The following TEPSIN variants were observed in gnomAD, a reference collection of about 807,000 sequenced individuals.
TEPSIN encodes AP-4 complex accessory subunit tepsin.
TEPSIN carries 50 observed loss-of-function variants against 48.5 expected under a neutral mutation model. The observed-to-expected ratio is 1.03, with a 90% CI of 0.82 to 1.31. The LOEUF is 1.31. Ranked by LOEUF, TEPSIN falls within the 50% of genes most tolerant of loss-of-function variation. The pLI, the probability that TEPSIN is intolerant of heterozygous loss-of-function variation, is 0.00. For missense variants in TEPSIN, 838 were observed against 815.9 expected, an observed-to-expected ratio of 1.03 and a Z score of -0.33; for synonymous variants, 392 against 358.8, an observed-to-expected ratio of 1.09 and a Z score of -1.05.
In TEPSIN at chr17:81,229,395, G is replaced by A. The variant is rs754235550; in HGVS notation, c.1315C>T (p.Leu439Phe). ...TSAEPGPTAA[L>F]PGPSDLLTDA... ...GTCAGCAGGTCAGATGGGCCTGGGA[G>A]GGCGGCTGTGGGGCCAGGCTCAGCT... Residue 439 changes from leucine (L) to phenylalanine (F), a missense_variant, in exon 13 of 13, where the codon CTC becomes TTC. Physicochemically the swap from Leu to Phe is conservative, Grantham distance 22 (BLOSUM62 0). Coordinates refer to ENST00000637944, the MANE Select transcript of TEPSIN (RefSeq NM_001363764.2). 2 of 1,551,502 alleles carry A rather than the reference G, an allele frequency of 1.3e-6. No homozygotes were observed. Among genetic ancestry groups the A allele is most frequent in the South Asian group, 1.2e-5 (1 of 84,124 alleles).
Position 81,229,043 on chromosome 17 carries a change from G to GCAGCCC in TEPSIN, c.1661_1666dup (p.Gly554_Ala555dup), listed in dbSNP as rs778265065. The GCAGCCC allele has an allele frequency of 1.1e-4, 177 of 1,613,206 alleles. No homozygotes were observed. Among genetic ancestry groups the GCAGCCC allele is most frequent in the Non-Finnish European group, 9.3e-5 (110 of 1,179,944 alleles). On this transcript the variant is annotated inframe_insertion, in exon 13 of 13. Coordinates refer to ENST00000637944, the MANE Select transcript of TEPSIN (RefSeq NM_001363764.2). ...AGCATCAGGACAGGACTCTCCCGCA[G>GCAGCCC]CAGCCCCAGCCCCCACCAGGCGGGG...
chr17:81,228,811 C>A lies in TEPSIN; in HGVS notation c.*117G>T. 2.4e-6 allele frequency: 3 copies of A among 1,266,868 alleles called. No individual in the cohort carries two copies. Among genetic ancestry groups the A allele is most frequent in the Non-Finnish European group, 2.2e-6 (2 of 906,736 alleles). The allele number at this position is 1,266,868 out of a possible 1,614,324, so 78.5% of individuals were successfully genotyped here. On this transcript the variant is annotated 3_prime_UTR_variant, in exon 13 of 13. Coordinates refer to ENST00000637944, the MANE Select transcript of TEPSIN (RefSeq NM_001363764.2). ...GGGGAAACTGAGGTAGCCCTAGGGTCGTCCTCTCAAGTCAAGCTGCCTGGA... is the reference window on the plus strand; with the variant it reads ...GGGGAAACTGAGGTAGCCCTAGGGTAGTCCTCTCAAGTCAAGCTGCCTGGA...
chr17:81,231,252 C>T (rs1044380432), intron 11 of TEPSIN, 146 bp downstream of exon 11: 38 of 809,116 alleles, frequency 4.7e-5, no homozygotes, highest in Admixed American at 2.2e-4. Context: ...CGCACACACA[C>T]AGGCATGTGC....
In TEPSIN at chr17:81,236,899, C is replaced by T. The variant is rs1016073925; in HGVS notation, c.213+81G>A. Reference sequence around the variant, plus strand: ...CCAAGGGCACAGAGCTGCCTGCCACCCTGGGCCGCTCGTCTGCTCCTCCAT... The same window carrying T: ...CCAAGGGCACAGAGCTGCCTGCCACTCTGGGCCGCTCGTCTGCTCCTCCAT... On this transcript the variant is annotated intron_variant, in intron 3 of 12. Transcript: ENST00000637944. 1.1e-5 allele frequency: 17 copies of T among 1,532,458 alleles called. No homozygotes were observed. In the African/African-American group the frequency reaches 1.7e-4, roughly 15 times the overall value. The allele number at this position is 1,532,458 out of a possible 1,614,324, so 94.9% of individuals were successfully genotyped here.
At chr17:81,229,641 T>C (rs2062547283) in intron 12 of TEPSIN, 165 bp from the exon 13 acceptor site, 2 of 705,534 alleles carry the variant, frequency 2.8e-6, no homozygotes, top group Non-Finnish European at 4.7e-6. Context: ...GTGCACCCAG[T>C]TGTCATCCCA....
In TEPSIN at chr17:81,233,410, C is replaced by T. The variant is rs764079224; in HGVS notation, c.526+22G>A. The T allele has an allele frequency of 6.2e-7, 1 of 1,608,756 alleles. No homozygotes were observed. On this transcript the variant is annotated intron_variant, in intron 7 of 12. Transcript: ENST00000637944. The surrounding 1 kb of genome is among the most constrained non-coding windows in gnomAD (Gnocchi z 5.8). Reference sequence around the variant, plus strand: ...CCCCACACCCTGAGATGCCAGAGCCCATGCAGGCCCTCCCCACTCACCCGT... The same window carrying T: ...CCCCACACCCTGAGATGCCAGAGCCTATGCAGGCCCTCCCCACTCACCCGT...
chr17:81,233,786 T>A lies in TEPSIN; in HGVS notation c.376-70A>T. ...TGCTGTACTCACCCTGCCACCCATATCAGCTCCGTTCTGTCCCCCGGACAC... is the reference window on the plus strand; with the variant it reads ...TGCTGTACTCACCCTGCCACCCATAACAGCTCCGTTCTGTCCCCCGGACAC... On this transcript the variant is annotated intron_variant, in intron 5 of 12. Coordinates refer to ENST00000637944, the MANE Select transcript of TEPSIN (RefSeq NM_001363764.2). The surrounding 1 kb of genome is among the most constrained non-coding windows in gnomAD (Gnocchi z 5.8). 6.8e-7 allele frequency: 1 copy of A among 1,470,440 alleles called. No homozygotes were observed. The highest frequency in any genetic ancestry group is 9.2e-7 in the Non-Finnish European group (1 of 1,092,070). 91.1% of individuals were successfully genotyped at this position (1,470,440 alleles called of 1,614,324 possible).
intron 4 of TEPSIN, among the ~76,000 whole-genome samples, chr17:81,235,128 C>A (rs939981923): frequency 6.6e-5 from 10 of 152,172 alleles, no homozygotes; most frequent in African/African-American, 2.2e-4. Context: ...TCCAACCCTG[C>A]CATAAACTTC....
In TEPSIN at chr17:81,233,978, C is replaced by T. The variant is rs368619161; in HGVS notation, c.375+3G>A. ...CGCAGAGCGACACTGCTCCTGGGCT[C>T]ACCTGCGCGGCCGCGCGAACCTTCT... is the stretch of plus-strand genomic sequence containing the variant. On this transcript the variant is annotated splice_donor_region_variant and intron_variant, in intron 5 of 12. Transcript: ENST00000637944. The surrounding 1 kb of genome is among the most constrained non-coding windows in gnomAD (Gnocchi z 5.8). 6.9e-5 allele frequency: 110 copies of T among 1,598,198 alleles called. No homozygotes were observed. The highest frequency in any genetic ancestry group is 8.9e-5 in the Non-Finnish European group (105 of 1,175,626).
At chr17:81,237,487 G>C in intron 1 of TEPSIN, 28 bp from the exon 2 acceptor site, 1 of 1,589,954 alleles carries the variant, frequency 6.3e-7, no homozygotes, top group South Asian at 1.1e-5. Context: ...CCCCTACCAT[G>C]ATGAGGTGCC....
Position 81,236,698 on chromosome 17 carries a change from G to A in TEPSIN, c.307+10C>T. 1 of 1,555,302 alleles carries A rather than the reference G, an allele frequency of 6.4e-7. No homozygotes were observed. Among genetic ancestry groups the A allele is most frequent in the East Asian group, 2.4e-5 (1 of 41,214 alleles). On this transcript the variant is annotated intron_variant, in intron 4 of 12. Coordinates refer to ENST00000637944, the MANE Select transcript of TEPSIN (RefSeq NM_001363764.2). The stretch of plus-strand genomic sequence containing the variant: ...CTGGCTCTTCCTGAGCGCGTGCGCG[G>A]CCCCTGTACCTGCAGCTTCCTGGAT...
intron 4 of TEPSIN, among the ~76,000 whole-genome samples, chr17:81,235,703 G>A (rs984954408): frequency 3.9e-5 from 6 of 152,146 alleles, no homozygotes; most frequent in African/African-American, 1.2e-4. Flanking sequence ...CTGGCCCGCT[G>A]AATGGTGAGG....
Position 81,236,787 on chromosome 17 carries a change from C to T in TEPSIN, c.228G>A (p.Leu76=). The T allele has an allele frequency of 6.4e-7, 1 of 1,566,874 alleles. No individual in the cohort carries two copies. Among genetic ancestry groups the T allele is most frequent in the Non-Finnish European group, 8.6e-7 (1 of 1,156,674 alleles). ...GHGKLKVLKI[L]LYLCSHGSSF... is the part of the protein sequence containing the mutation. ...AGGAGCCGTGGCTGCACAGATAGAGCAGGATCTTCAGCACCTGGGGAGTGG... is the reference window on the plus strand; with the variant it reads ...AGGAGCCGTGGCTGCACAGATAGAGTAGGATCTTCAGCACCTGGGGAGTGG... Residue 76 remains leucine (L), a synonymous_variant, in exon 4 of 13, where the codon CTG becomes CTA. Transcript: ENST00000637944.
At chr17:81,232,963 C>T (rs973585844) in intron 7 of TEPSIN, 7 of 232,888 alleles carry the variant, frequency 3.0e-5, no homozygotes, top group South Asian at 1.5e-4. Flanking sequence ...AGCTACACAC[C>T]GCCCAGGGCC....
Position 81,233,202 on chromosome 17 carries a change from C to T in TEPSIN, c.526+230G>A, listed in dbSNP as rs1027787421. ...CGGGGCCCAGCCCTGACTTCTTGCT[C>T]GGCCTGGTTTCTCTCATCTGTCCAT... is the stretch of plus-strand genomic sequence containing the variant. On this transcript the variant is annotated intron_variant, in intron 7 of 12. Coordinates refer to ENST00000637944, the MANE Select transcript of TEPSIN (RefSeq NM_001363764.2). The surrounding 1 kb of genome is among the most constrained non-coding windows in gnomAD (Gnocchi z 5.8). 3.4e-5 allele frequency: 20 copies of T among 585,320 alleles called. No homozygotes were observed. Among genetic ancestry groups the T allele is most frequent in the Middle Eastern group, 4.5e-4 (1 of 2,246 alleles). The allele number at this position is 585,320 out of a possible 1,614,324, so 36.3% of individuals were successfully genotyped here.
chr17:81,231,435 G>C lies in TEPSIN; in HGVS notation c.1061C>G (p.Thr354Ser). The stretch of plus-strand genomic sequence containing the variant: ...TTCACTGGTCCCACGCAGGTGGCAG[G>C]TCAGCAGCTGCAGCACGGCCTCACA... The part of the protein sequence containing the change: ...LNCEAVLQLL[T>S]CHLRGTSECT... The change falls in exon 11 of 13, where the codon ACC becomes AGC. Residue 354 changes from threonine (T) to serine (S), a missense_variant. Transcript: ENST00000637944. The C allele has an allele frequency of 6.4e-7, 1 of 1,566,008 alleles. No homozygotes were observed. The highest frequency in any genetic ancestry group is 1.4e-5 in the African/African-American group (1 of 73,992).
intron 7 of TEPSIN, 85 bp from the exon 8 acceptor site, chr17:81,232,603 C>T: frequency 7.7e-7 from 1 of 1,297,362 alleles, no homozygotes; most frequent in East Asian, 2.6e-5. Context: ...CGCATCGGCT[C>T]CCTGCTCAAG....
In TEPSIN at chr17:81,231,970, C is replaced by A; in HGVS notation, c.782G>T (p.Ser261Ile). The change falls in exon 9 of 13, where the codon AGC becomes ATC. Residue 261 changes from serine to isoleucine, a missense_variant. Transcript: ENST00000637944. ...QAGGGWDELD[S>I]GPSSQNSSQN... is the part of the protein sequence containing the mutation. ...GGAGGAATTCTGAGAGCTGGGGCCG[C>A]TGTCCAGCTCATCCCAGCCCCCTCC... is the stretch of plus-strand genomic sequence containing the variant. 6.2e-7 allele frequency: 1 copy of A among 1,612,988 alleles called. No individual in the cohort carries two copies. Among genetic ancestry groups the A allele is most frequent in the Non-Finnish European group, 8.5e-7 (1 of 1,179,954 alleles).
chr17:81,236,231 C>T (rs1419247251), intron 4 of TEPSIN, among the ~76,000 whole-genome samples: 2 of 152,248 alleles, frequency 1.3e-5, no homozygotes, highest in African/African-American at 2.4e-5. Context: ...CCTCTCCTGC[C>T]TCCCAGCTCC....
Sources: gnomAD v4.1 joint callset for allele counts (sites outside exome capture counted in the v4.1 genomes callset) on GRCh38, gnomAD v4.1.1 for gene constraint, Gnocchi (gnomAD v3.1) non-coding constraint, MANE v1.5 for transcripts, NCBI Gene and HGNC (gene_info 2026-07-23, HGNC 2026-07-21) for gene names.